Variants in CTNNA3 observed in about 807,000 individuals in gnomAD.
CTNNA3 encodes catenin alpha-3.
In CTNNA3, 76 loss-of-function variants were observed where a neutral mutation model predicts 95.7. The observed-to-expected ratio is 0.79, with a 90% CI of 0.66 to 0.96. CTNNA3 has a LOEUF of 0.96. Among genes scored for constraint, CTNNA3 ranks in the 40% least tolerant of loss-of-function variants. The pLI, the probability that CTNNA3 is intolerant of heterozygous loss-of-function variation, is 0.00. For synonymous variants in CTNNA3, 431 were observed against 374.4 expected (o/e 1.15, Z -1.74); for missense variants, 1,191 against 1,089.8 (o/e 1.09, Z -1.31).
At chr10:66,202,401 A>C (rs2087485601) in intron 13 of CTNNA3, among the ~76,000 whole-genome samples, 1 of 152,190 alleles carries the variant, frequency 6.6e-6, no homozygotes, top group Non-Finnish European at 1.5e-5. Flanking sequence ...GCCAAGGTAC[A>C]ACCAATCTGG....
At chr10:67,314,125 T>C (rs1010048799) in intron 5 of CTNNA3, among the ~76,000 whole-genome samples, 3 of 152,256 alleles carry the variant, frequency 2.0e-5, no homozygotes, top group South Asian at 2.1e-4. Flanking sequence ...ATTTGAATCA[T>C]AGACCGTTAG....
chr10:66,673,624 G>C lies in CTNNA3; in HGVS notation c.1282-51840C>G, dbSNP rs1589106312. Among the ~76,000 whole-genome samples, 8 of 151,936 alleles carry C rather than the reference G, an allele frequency of 5.3e-5. 1 individual carries two copies. The South Asian group carries it at 1.7e-3, about 32-fold the overall frequency. ...TGATATATTTAAGCTTCCAATTTAT[G>C]AATAATTAAATTCCTATGATTAGAT... On this transcript the variant is annotated intron_variant, in intron 9 of 17. Transcript: ENST00000433211.
At chr10:67,237,906 A>G (rs575328078) in intron 5 of CTNNA3, among the ~76,000 whole-genome samples, 10 of 152,324 alleles carry the variant, frequency 6.6e-5, no homozygotes, top group African/African-American at 2.4e-4. Flanking sequence ...GGAAAGAGAC[A>G]ATAAGTGCCT....
At chr10:67,291,720 T>C (rs1218181783) in intron 5 of CTNNA3, among the ~76,000 whole-genome samples, 2 of 152,174 alleles carry the variant, frequency 1.3e-5, no homozygotes, top group Admixed American at 6.6e-5. Flanking sequence ...AAGAAAGCTT[T>C]GCATATTACT....
chr10:67,603,937 A>G (rs770223202), intron 3 of CTNNA3, among the ~76,000 whole-genome samples: 1 of 152,204 alleles, frequency 6.6e-6, no homozygotes, highest in Non-Finnish European at 1.5e-5. Context: ...AGTTCCATTC[A>G]TGGTATGTGC....
chr10:66,408,766 A>G lies in CTNNA3; in HGVS notation c.1532-29414T>C, dbSNP rs1389974530. 2.0e-5 allele frequency among the ~76,000 whole-genome samples: 3 copies of G among 152,210 alleles called. No individual in the cohort carries two copies. In the East Asian group the frequency reaches 5.8e-4, roughly 29 times the overall value. On this transcript the variant is annotated intron_variant, in intron 11 of 17. Transcript: ENST00000433211. Reference sequence around the variant, plus strand: ...TGTAATTCAGATGTCTAATGAGTACATTAAACATTTTAAAAGAACAGTGTA... The same window carrying G: ...TGTAATTCAGATGTCTAATGAGTACGTTAAACATTTTAAAAGAACAGTGTA...
intron 7 of CTNNA3, among the ~76,000 whole-genome samples, chr10:66,911,344 G>A (rs1846215214): frequency 6.6e-6 from 1 of 152,064 alleles, no homozygotes; most frequent in South Asian, 2.1e-4. Context: ...GCGAGATCAT[G>A]GTTCATGTTT....
chr10:67,567,393 A>C (rs2133280410), intron 3 of CTNNA3, among the ~76,000 whole-genome samples: 1 of 152,082 alleles, frequency 6.6e-6, no homozygotes, highest in African/African-American at 2.4e-5. Flanking sequence ...ATTGTGTATA[A>C]ATGAATGTAG....
intron 5 of CTNNA3, among the ~76,000 whole-genome samples, chr10:67,243,553 T>A (rs1589077522): frequency 6.6e-6 from 1 of 152,300 alleles, no homozygotes; most frequent in Non-Finnish European, 1.5e-5. Flanking sequence ...CTAATGATGG[T>A]TAATCCACAA....
At chr10:67,759,040 A>G (rs1841448856) in intron 1 of CTNNA3, among the ~76,000 whole-genome samples, 1 of 152,190 alleles carries the variant, frequency 6.6e-6, no homozygotes, top group South Asian at 2.1e-4. Context: ...TAACTAGGAT[A>G]TATCTTCAAT....
Position 67,122,777 on chromosome 10 carries a change from T to G in CTNNA3, c.1047+57540A>C, listed in dbSNP as rs147540645. ...ACTCCCTTGCCTGAAAGGGAAAGAT[T>G]TTTCAATAATAAGAAAAGGCAATGT... On this transcript the variant is annotated intron_variant, in intron 7 of 17. Transcript: ENST00000433211. 1.3e-3 allele frequency among the ~76,000 whole-genome samples: 202 copies of G among 152,204 alleles called. 3 individuals carry two copies. Among genetic ancestry groups the G allele is most frequent in the African/African-American group, 4.1e-3 (172 of 41,566 alleles).
chr10:65,926,560 T>C (rs2077171889), intron 17 of CTNNA3, among the ~76,000 whole-genome samples: 1 of 151,182 alleles, frequency 6.6e-6, no homozygotes, highest in Admixed American at 6.6e-5. Context: ...CACTGCAACC[T>C]CTGCCTCCCG....
intron 12 of CTNNA3, among the ~76,000 whole-genome samples, chr10:66,284,610 T>C (rs867039432): frequency 6.6e-6 from 1 of 151,936 alleles, no homozygotes; most frequent in Non-Finnish European, 1.5e-5. Flanking sequence ...AAATTTATTA[T>C]GTGCATTTGA....
intron 10 of CTNNA3, among the ~76,000 whole-genome samples, chr10:66,557,971 G>T (rs1405862742): frequency 6.6e-6 from 1 of 152,006 alleles, no homozygotes; most frequent in African/African-American, 2.4e-5. Flanking sequence ...GTCTGTGGAG[G>T]TATTTCCAGT....
intron 15 of CTNNA3, among the ~76,000 whole-genome samples, chr10:66,002,115 C>T (rs761094339): frequency 6.6e-6 from 1 of 151,940 alleles, no homozygotes; most frequent in Non-Finnish European, 1.5e-5. Context: ...CCAGAATTCC[C>T]TTACTTATAA....
chr10:66,944,227 C>T (rs11598787), intron 7 of CTNNA3, among the ~76,000 whole-genome samples: 25,621 of 152,174 alleles, frequency 0.17, 2,274 homozygotes, highest in Non-Finnish European at 0.18. Flanking sequence ...TATTCTAAAT[C>T]ATTTGTTATT....
chr10:67,539,461 G>A lies in CTNNA3; in HGVS notation c.459+42C>T, dbSNP rs747454298. The stretch of plus-strand genomic sequence containing the variant: ...CCAGGTTCAGAGAATGAAATTAGAA[G>A]TGAAGACAATGCCAAGGTAAACTAA... On this transcript the variant is annotated intron_variant, in intron 4 of 17. Transcript: ENST00000433211. 6.2e-6 allele frequency: 10 copies of A among 1,602,984 alleles called. No individual in the cohort carries two copies. In the East Asian group the frequency reaches 2.0e-4, roughly 32 times the overall value.
chr10:67,177,182 C>G (rs1862286758), intron 7 of CTNNA3, among the ~76,000 whole-genome samples: 2 of 152,224 alleles, frequency 1.3e-5, no homozygotes. Flanking sequence ...CCCATCTCAT[C>G]TCATTTCTTG....
intron 5 of CTNNA3, among the ~76,000 whole-genome samples, chr10:67,394,949 A>T (rs1469888000): frequency 6.6e-6 from 1 of 152,190 alleles, no homozygotes; most frequent in Non-Finnish European, 1.5e-5. Context: ...GATATACTAC[A>T]TCAGTTATTC....
Sources: gnomAD v4.1 joint callset for allele counts (sites outside exome capture counted in the v4.1 genomes callset) on GRCh38, gnomAD v4.1.1 for gene constraint, MANE v1.5 for transcripts, NCBI Gene and HGNC (gene_info 2026-07-23, HGNC 2026-07-21) for gene names.